ZBTB10: variants seen among roughly 807,000 people sequenced by gnomAD.
ZBTB10 encodes the protein zinc finger and BTB domain containing 10, also known as zinc finger and BTB domain-containing protein 10.
ZBTB10 carries 32 observed loss-of-function variants against 76.4 expected under a neutral mutation model. The observed-to-expected ratio is 0.42, with a 90% CI of 0.32 to 0.56. The LOEUF (loss-of-function observed/expected upper bound fraction) is 0.56. Ranked by LOEUF, ZBTB10 falls within the 20% of genes least tolerant of loss-of-function variation. ZBTB10 has a pLI of 0.14. For synonymous variants in ZBTB10, 523 were observed against 432.9 expected (o/e 1.21, Z -2.58); for missense variants, 1,057 against 1,098.5 (o/e 0.96, Z 0.53).
intron 1 of ZBTB10, among the ~76,000 whole-genome samples, chr8:80,497,245 G>A (rs1815806436): frequency 6.6e-6 from 1 of 151,026 alleles, no homozygotes; most frequent in Admixed American, 6.6e-5. Flanking sequence ...CCAAATATTT[G>A]CAGTAATCCA....
intron 3 of ZBTB10, among the ~76,000 whole-genome samples, chr8:80,518,105 G>C (rs1417689672): frequency 6.6e-6 from 1 of 151,768 alleles, no homozygotes; most frequent in African/African-American, 2.4e-5. Flanking sequence ...GGGCTCAAGT[G>C]ATCCTTCTGC....
intron 1 of ZBTB10, among the ~76,000 whole-genome samples, chr8:80,496,474 C>T (rs1585843453): frequency 1.4e-5 from 2 of 147,802 alleles, no homozygotes; most frequent in South Asian, 4.3e-4. Context: ...GTTATAAAAA[C>T]AAGGGACATT....
chr8:80,505,120 T>C (rs1178454468), intron 2 of ZBTB10, among the ~76,000 whole-genome samples: 5 of 152,174 alleles, frequency 3.3e-5, no homozygotes, highest in Admixed American at 3.3e-4. Flanking sequence ...AGAAACAAAT[T>C]AGCAAAATAA....
At position 80,486,433 on chromosome 8, in the gene ZBTB10, G is replaced by C. The variant is rs528613961; in HGVS notation, c.-378G>C. 18 of 985,040 alleles carry C rather than the reference G, an allele frequency of 1.8e-5. No homozygotes were observed. Among genetic ancestry groups the C allele is most frequent in the South Asian group, 4.7e-5 (1 of 21,318 alleles). The allele number at this position is 985,040 out of a possible 1,614,324, so 61.0% of individuals were successfully genotyped here. A position where few individuals can be genotyped will look rare whatever the true frequency, so the allele number is the denominator to read the frequency against. On this transcript the variant is annotated 5_prime_UTR_variant, in exon 1 of 6. Coordinates refer to ENST00000455036, the MANE Select transcript of ZBTB10 (RefSeq NM_001105539.3). ...GTGTGTGCGCGCGCGGCTTTAAAGA[G>C]GGGGCAGCGGAGGGTCTCCCCGCAC...
chr8:80,499,997 A>G lies in ZBTB10; in HGVS notation c.1476A>G (p.Ser492=), dbSNP rs1197857671. 1.1e-5 allele frequency: 18 copies of G among 1,614,002 alleles called. No individual in the cohort carries two copies. Among genetic ancestry groups the G allele is most frequent in the Non-Finnish European group, 1.5e-5 (18 of 1,179,874 alleles). ...RKPVNRDGLS[S]SRDQKIASFW... is the part of the protein sequence containing the mutation. The stretch of plus-strand genomic sequence containing the variant: ...CAGTTAATAGAGATGGTCTGTCTTC[A>G]TCACGGGATCAAAAAATTGCCAGTT... The change falls in exon 2 of 6, where the codon TCA becomes TCG. Residue 492 remains serine, a synonymous_variant. Transcript: ENST00000455036.
Position 80,520,335 on chromosome 8 carries a change from G to A in ZBTB10, c.*807G>A, listed in dbSNP as rs977596253. On this transcript the variant is annotated 3_prime_UTR_variant, in exon 6 of 6. Transcript: ENST00000455036. ...CTTCTGCTGCTCTAATCTGATAAAT[G>A]GTTACTATATGATATTTTCTGACAT... The A allele has an allele frequency of 6.6e-6, 1 of 152,398 alleles. No individual in the cohort carries two copies. The highest frequency in any genetic ancestry group is 2.4e-5 in the African/African-American group (1 of 41,414). 9.4% of individuals were successfully genotyped at this position (152,398 alleles called of 1,614,324 possible).
chr8:80,516,501 G>T (rs28579617), intron 3 of ZBTB10, among the ~76,000 whole-genome samples: 40,573 of 152,098 alleles, frequency 0.27, 6,201 homozygotes, highest in African/African-American at 0.42. Flanking sequence ...CTAACAGTAG[G>T]TTGACCTCCA....
At position 80,513,982 on chromosome 8, in the gene ZBTB10, G is replaced by T; in HGVS notation, c.1934G>T (p.Gly645Val). 6.2e-7 allele frequency: 1 copy of T among 1,613,464 alleles called. No homozygotes were observed. The highest frequency in any genetic ancestry group is 8.5e-7 in the Non-Finnish European group (1 of 1,179,602). The change falls in exon 3 of 6, where the codon GGC becomes GTC. Residue 645 changes from glycine to valine, a missense_variant. Gly to Val is a moderately radical substitution (Grantham distance 109). Transcript: ENST00000455036. ...NVNANLLAEA[G>V]TSQDGGDAGT... is the part of the protein sequence containing the mutation. ...AATGCAAATTTATTGGCTGAAGCTG[G>T]CACTAGTCAAGATGGAGGTGATGCT... is the stretch of plus-strand genomic sequence containing the variant.
rs190242079 is a variant in ZBTB10, at chr8:80,501,635, A to G, written c.1861+1253A>G. On this transcript the variant is annotated intron_variant, in intron 2 of 5. Coordinates refer to ENST00000455036, the MANE Select transcript of ZBTB10 (RefSeq NM_001105539.3). ...CTGTGAAATGTTCCTCTGGCTTTTTAGATTTGGGTTAGCTTTCAGTGATAG... is the reference window on the plus strand; with the variant it reads ...CTGTGAAATGTTCCTCTGGCTTTTTGGATTTGGGTTAGCTTTCAGTGATAG... Among the ~76,000 whole-genome samples the G allele has an allele frequency of 3.3e-5, 5 of 152,196 alleles. No homozygotes were observed. In the East Asian group the frequency reaches 7.7e-4, roughly 23 times the overall value.
Position 80,486,546 on chromosome 8 carries a change from C to A in ZBTB10, c.-265C>A. 1.0e-6 allele frequency: 1 copy of A among 986,212 alleles called. No homozygotes were observed. Among genetic ancestry groups the A allele is most frequent in the Non-Finnish European group, 1.2e-6 (1 of 830,590 alleles). The allele number at this position is 986,212 out of a possible 1,614,324, so 61.1% of individuals were successfully genotyped here. On this transcript the variant is annotated 5_prime_UTR_variant, in exon 1 of 6. Coordinates refer to ENST00000455036, the MANE Select transcript of ZBTB10 (RefSeq NM_001105539.3). ...GCCCCCTTCTCCGCGCGGGACGCTG[C>A]CCGGAGCGCGGCGGGGCGGGGGTGG...
chr8:80,496,998 T>C (rs1231609493), intron 1 of ZBTB10, among the ~76,000 whole-genome samples: 1 of 152,110 alleles, frequency 6.6e-6, no homozygotes, highest in African/African-American at 2.4e-5. Flanking sequence ...GCAAGATTCT[T>C]CCCCCTTATT....
At chr8:80,518,014 A>G (rs1755047219) in intron 3 of ZBTB10, among the ~76,000 whole-genome samples, 1 of 150,348 alleles carries the variant, frequency 6.7e-6, no homozygotes, top group African/African-American at 2.5e-5. Flanking sequence ...ACACACCACC[A>G]TGCCCAGCTA....
intron 1 of ZBTB10, among the ~76,000 whole-genome samples, chr8:80,497,193 G>T (rs1815804599): frequency 6.6e-6 from 1 of 151,622 alleles, no homozygotes; most frequent in African/African-American, 2.4e-5. Context: ...TTTGCTACAT[G>T]ATACGAAATT....
intron 2 of ZBTB10, among the ~76,000 whole-genome samples, chr8:80,502,518 GC>G (rs1264120644): frequency 3.3e-5 from 5 of 152,114 alleles, no homozygotes; most frequent in African/African-American, 1.2e-4. Flanking sequence ...ACATGGGTGA[GC>G]CACCGTGCCC....
intron 1 of ZBTB10, among the ~76,000 whole-genome samples, chr8:80,493,201 GCGCGCGCACACA>G (rs1815681491): frequency 9.0e-6 from 1 of 110,640 alleles, no homozygotes; most frequent in African/African-American, 3.5e-5. Context: ...AAACGCGCGC[GCGCGCGCACACA>G]CACACACACA....
At chr8:80,501,294 A>C (rs1815918353) in intron 2 of ZBTB10, among the ~76,000 whole-genome samples, 1 of 152,148 alleles carries the variant, frequency 6.6e-6, no homozygotes, top group Admixed American at 6.5e-5. Flanking sequence ...TTCTCTCCAA[A>C]AGTTCCGTAG....
At chr8:80,510,370 A>T (rs1371824335) in intron 2 of ZBTB10, among the ~76,000 whole-genome samples, 1 of 152,182 alleles carries the variant, frequency 6.6e-6, no homozygotes, top group Non-Finnish European at 1.5e-5. Flanking sequence ...TACAGTTACT[A>T]AATAGTGCAG....
At chr8:80,490,467 G>A (rs1220339234) in intron 1 of ZBTB10, among the ~76,000 whole-genome samples, 1 of 152,022 alleles carries the variant, frequency 6.6e-6, no homozygotes, top group East Asian at 1.9e-4. Flanking sequence ...AACCTTTTGG[G>A]CTCAAGCAAT....
chr8:80,508,585 G>T (rs1816115519), intron 2 of ZBTB10, among the ~76,000 whole-genome samples: 1 of 152,176 alleles, frequency 6.6e-6, no homozygotes, highest in African/African-American at 2.4e-5. Flanking sequence ...GCATGACGGG[G>T]TGCAGTGGAA....
Sources: allele counts gnomAD v4.1 joint callset (sites outside exome capture counted in the v4.1 genomes callset), GRCh38; gene constraint gnomAD v4.1.1; transcripts MANE v1.5; gene names NCBI Gene and HGNC (gene_info 2026-07-23, HGNC 2026-07-21).